RASA1: variants seen among roughly 807,000 people sequenced by gnomAD.
The protein encoded by RASA1 is ras GTPase-activating protein 1.
RASA1 carries 25 observed loss-of-function variants against 132.2 expected under a neutral mutation model. The observed-to-expected ratio is 0.19, with a 90% CI of 0.14 to 0.26. The LOEUF is 0.26. RASA1 is among the 10% of genes least tolerant of loss of function. RASA1 has a pLI of 1.00. For synonymous variants in RASA1, 477 were observed against 449.9 expected (o/e 1.06, Z -0.76); for missense variants, 964 against 1,299.2 (o/e 0.74, Z 3.97).
chr5:87,379,675 C>G, intron 18 of RASA1, 60 bp from the exon 19 acceptor site: 1 of 1,590,180 alleles, frequency 6.3e-7, no homozygotes, highest in South Asian at 1.1e-5. Context: ...TTGTTTTCCT[C>G]TATTCATTTG....
chr5:87,391,661 T>C lies in RASA1; in HGVS notation c.*778T>C, dbSNP rs552251823. ...TCAATGCATGTTACCCATTCAACCA[T>C]TTTATAGACTACCAATTTCTTTTAT... On this transcript the variant is annotated 3_prime_UTR_variant, in exon 25 of 25. Transcript: ENST00000274376. 38 of 233,096 alleles carry C rather than the reference T, an allele frequency of 1.6e-4. No homozygotes were observed. The highest frequency in any genetic ancestry group is 7.0e-4 in the African/African-American group (32 of 45,406). 14.4% of individuals were successfully genotyped at this position (233,096 alleles called of 1,614,324 possible).
intron 1 of RASA1, among the ~76,000 whole-genome samples, chr5:87,328,662 A>C (rs945064333): frequency 1.3e-5 from 2 of 152,182 alleles, no homozygotes; most frequent in Non-Finnish European, 2.9e-5. Context: ...TTTCTTGGCT[A>C]CTGGGGCTAA....
intron 4 of RASA1, among the ~76,000 whole-genome samples, chr5:87,337,481 A>G (rs533277018): frequency 2.8e-4 from 43 of 152,082 alleles, no homozygotes; most frequent in Non-Finnish European, 5.2e-4. Flanking sequence ...AAGCATCTAC[A>G]TCATGCTTAT....
intron 1 of RASA1, among the ~76,000 whole-genome samples, chr5:87,321,249 G>A (rs1756782250): frequency 6.6e-6 from 1 of 152,178 alleles, no homozygotes; most frequent in Non-Finnish European, 1.5e-5. Context: ...TTTTTCCTCT[G>A]CTCTTACACC....
intron 9 of RASA1, among the ~76,000 whole-genome samples, chr5:87,361,205 G>T (rs1341260597): frequency 6.6e-6 from 1 of 152,164 alleles, no homozygotes; most frequent in Non-Finnish European, 1.5e-5. Flanking sequence ...AATGAGCATG[G>T]CTGTGTTCCA....
At chr5:87,363,878 T>G (rs567009906) in intron 11 of RASA1, among the ~76,000 whole-genome samples, 1 of 152,112 alleles carries the variant, frequency 6.6e-6, no homozygotes, top group Admixed American at 6.6e-5. Flanking sequence ...ATAAGCAAGT[T>G]CTTAAGAAAG....
At chr5:87,369,129 T>A (rs898329519) in intron 11 of RASA1, among the ~76,000 whole-genome samples, 2 of 152,176 alleles carry the variant, frequency 1.3e-5, no homozygotes, top group African/African-American at 4.8e-5. Flanking sequence ...AGAAGTAACA[T>A]TTATTGAGTT....
intron 20 of RASA1, among the ~76,000 whole-genome samples, chr5:87,382,709 T>A (rs188235130): frequency 3.3e-5 from 5 of 152,326 alleles, no homozygotes; most frequent in Admixed American, 2.6e-4. Context: ...ATATGACAGC[T>A]GTTAGTATAA....
chr5:87,321,706 C>G (rs1287902699), intron 1 of RASA1, among the ~76,000 whole-genome samples: 3 of 152,256 alleles, frequency 2.0e-5, no homozygotes, highest in Non-Finnish European at 4.4e-5. Context: ...GCCACTCTCC[C>G]AGCAAGTGGA....
At chr5:87,326,136 T>C (rs1205448088) in intron 1 of RASA1, among the ~76,000 whole-genome samples, 1 of 152,132 alleles carries the variant, frequency 6.6e-6, no homozygotes, top group Non-Finnish European at 1.5e-5. Context: ...CATGCCTGGC[T>C]AATTTTTGTA....
chr5:87,280,322 T>G (rs533152754), intron 1 of RASA1, among the ~76,000 whole-genome samples: 1 of 146,578 alleles, frequency 6.8e-6, no homozygotes, highest in African/African-American at 2.5e-5. Context: ...TCTTTCTTTC[T>G]TTTTTTTTTT....
At chr5:87,380,297 G>A (rs950561730) in intron 19 of RASA1, among the ~76,000 whole-genome samples, 4 of 152,102 alleles carry the variant, frequency 2.6e-5, no homozygotes, top group African/African-American at 9.7e-5. Flanking sequence ...TAAATGTCAG[G>A]AAGTTGACTG....
intron 17 of RASA1, 132 bp downstream of exon 17, chr5:87,377,172 C>T: frequency 4.9e-6 from 6 of 1,230,914 alleles, no homozygotes; most frequent in Non-Finnish European, 6.9e-6. Flanking sequence ...GTTTTCCCTC[C>T]TTAAAAATTG....
chr5:87,336,342 A>G (rs1307575237), intron 4 of RASA1, among the ~76,000 whole-genome samples: 1 of 152,052 alleles, frequency 6.6e-6, no homozygotes, highest in African/African-American at 2.4e-5. Context: ...CATTTTTAAG[A>G]GTGTAAAGAG....
intron 1 of RASA1, chr5:87,269,407 A>G: frequency 1.7e-6 from 2 of 1,197,732 alleles, no homozygotes; most frequent in Admixed American, 2.2e-5. Context: ...CAGGTGTTTA[A>G]ACGAGTACTA....
At chr5:87,390,186 T>C (rs1245373976) in intron 24 of RASA1, among the ~76,000 whole-genome samples, 2 of 152,144 alleles carry the variant, frequency 1.3e-5, no homozygotes, top group Admixed American at 6.6e-5. Flanking sequence ...ATATTGGAGA[T>C]ATAGAACAAA....
chr5:87,359,028 A>T (rs1561308015), intron 9 of RASA1, among the ~76,000 whole-genome samples: 1 of 152,160 alleles, frequency 6.6e-6, no homozygotes, highest in African/African-American at 2.4e-5. Flanking sequence ...CATGTAGTAC[A>T]ATTTATTTAT....
At chr5:87,350,398 G>A (rs1240768417) in intron 8 of RASA1, among the ~76,000 whole-genome samples, 2 of 151,684 alleles carry the variant, frequency 1.3e-5, no homozygotes, top group Admixed American at 1.3e-4. Flanking sequence ...CCAGTTTTCT[G>A]GAGATTTAGA....
chr5:87,326,668 A>G (rs559682938), intron 1 of RASA1, among the ~76,000 whole-genome samples: 1 of 152,146 alleles, frequency 6.6e-6, no homozygotes, highest in Non-Finnish European at 1.5e-5. Flanking sequence ...ACTATCCTTT[A>G]TATTGCCCCC....
Sources: allele counts gnomAD v4.1 joint callset (sites outside exome capture counted in the v4.1 genomes callset), GRCh38; gene constraint gnomAD v4.1.1; transcripts MANE v1.5; gene names NCBI Gene and HGNC (gene_info 2026-07-23, HGNC 2026-07-21).